Variants in PIK3C2G observed in about 807,000 individuals in gnomAD.
PIK3C2G encodes the protein phosphatidylinositol 3-kinase C2 domain-containing subunit gamma.
Under a neutral mutation model 181.1 loss-of-function variants are expected in PIK3C2G, and 168 were observed. The observed-to-expected ratio is 0.93, with a 90% confidence interval of 0.82 to 1.05. The LOEUF is 1.05. PIK3C2G is among the 50% of genes least tolerant of loss of function. The probability of loss-of-function intolerance (pLI) is 0.00; values close to 1 mark genes in which losing one functional copy is unlikely to be tolerated. For synonymous variants in PIK3C2G, 573 were observed against 592.2 expected (o/e 0.97, Z 0.47); for missense variants, 1,869 against 1,732.8 (o/e 1.08, Z -1.40).
intron 10 of PIK3C2G, among the ~76,000 whole-genome samples, 165 bp downstream of exon 10, chr12:18,343,525 G>T (rs1030382310): frequency 2.6e-5 from 4 of 151,272 alleles, no homozygotes; most frequent in Admixed American, 6.6e-5. Flanking sequence ...CTTTTCTAAA[G>T]TTCTTTTTAT....
chr12:18,534,696 A>C (rs1336366732), intron 24 of PIK3C2G, among the ~76,000 whole-genome samples: 3 of 3,758 alleles, frequency 8.0e-4, no homozygotes, highest in Non-Finnish European at 3.7e-3. Flanking sequence ...TGGATTAAAA[A>C]AAAAGAAAGG....
intron 12 of PIK3C2G, among the ~76,000 whole-genome samples, chr12:18,365,984 C>A (rs1240041893): frequency 6.6e-6 from 1 of 152,098 alleles, no homozygotes; most frequent in Non-Finnish European, 1.5e-5. Context: ...GTTCTCATCA[C>A]CTTCAATGGT....
chr12:18,707,072 C>T, the PIK3C2G span, among the ~76,000 whole-genome samples: 8 of 152,200 alleles, frequency 5.3e-5, no homozygotes, highest in Non-Finnish European at 1.0e-4. Flanking sequence ...TCAAATCTCT[C>T]TCTACTTCCT....
At chr12:18,650,748 A>ATC (rs1950472898), downstream of PIK3C2G, among the ~76,000 whole-genome samples, 1 of 78,536 alleles carries the variant, frequency 1.3e-5, no homozygotes, top group Non-Finnish European at 2.3e-5. Flanking sequence ...ATATATATAT[A>ATC]TATATATATA....
At chr12:18,460,771 C>T (rs540595782) in intron 18 of PIK3C2G, among the ~76,000 whole-genome samples, 1 of 151,722 alleles carries the variant, frequency 6.6e-6, no homozygotes, top group South Asian at 2.1e-4. Context: ...ATTTGATAGG[C>T]CCTGTTGAGA....
the PIK3C2G span, among the ~76,000 whole-genome samples, chr12:18,678,821 G>T: frequency 2.0e-5 from 3 of 151,990 alleles, no homozygotes; most frequent in Non-Finnish European, 4.4e-5. Context: ...AAGCCTTTGT[G>T]TGGACATGTG....
intron 18 of PIK3C2G, among the ~76,000 whole-genome samples, chr12:18,441,941 G>A (rs950716124): frequency 1.3e-5 from 2 of 151,952 alleles, no homozygotes; most frequent in Non-Finnish European, 2.9e-5. Flanking sequence ...GTCTATCTGT[G>A]TATTTTTCTT....
intron 1 of PIK3C2G, among the ~76,000 whole-genome samples, chr12:18,254,580 C>T (rs145594413): frequency 0.018 from 2,792 of 152,068 alleles, 85 homozygotes; most frequent in African/African-American, 0.064. Context: ...CGTGGTAGCT[C>T]ACACCTGTAA....
chr12:18,548,878 T>C (rs1944582121), intron 26 of PIK3C2G, among the ~76,000 whole-genome samples: 1 of 152,030 alleles, frequency 6.6e-6, no homozygotes. Flanking sequence ...ATTGTCTTTG[T>C]CAAGATTTAT....
At chr12:18,577,180 C>T (rs534831571) in intron 29 of PIK3C2G, among the ~76,000 whole-genome samples, 1 of 152,276 alleles carries the variant, frequency 6.6e-6, no homozygotes, top group East Asian at 1.9e-4. Context: ...TAGCAGAGGG[C>T]TGTCATGAGA....
chr12:18,259,104 C>T (rs1425847613), upstream of PIK3C2G, among the ~76,000 whole-genome samples: 1 of 152,006 alleles, frequency 6.6e-6, no homozygotes, highest in South Asian at 2.1e-4. Flanking sequence ...TCGGGTCACT[C>T]TATTAGGCAA....
intron 24 of PIK3C2G, among the ~76,000 whole-genome samples, chr12:18,531,762 A>G (rs1943567196): frequency 6.6e-6 from 1 of 152,164 alleles, no homozygotes; most frequent in African/African-American, 2.4e-5. Flanking sequence ...TGTACCATGT[A>G]TTGTTTAACC....
intron 15 of PIK3C2G, among the ~76,000 whole-genome samples, chr12:18,395,776 G>A (rs1280773755): frequency 6.6e-6 from 1 of 151,320 alleles, no homozygotes; most frequent in Non-Finnish European, 1.5e-5. Flanking sequence ...CATATTATAT[G>A]TAAGGATGCA....
In PIK3C2G at chr12:18,503,281, G is replaced by C; in HGVS notation, c.3017G>C (p.Gly1006Ala). Residue 1006 changes from glycine (G) to alanine (A), a missense_variant and splice_region_variant, in exon 23 of 33, where the codon GGA becomes GCA. Gly to Ala is a moderately conservative substitution (Grantham distance 60). Coordinates refer to ENST00000538779, the MANE Select transcript of PIK3C2G (RefSeq NM_001288772.2). ...CTGTAATCTTTTTTTTCTCTACCAGGATTGGTGCAGATGGTACCTGATGCT... is the reference window on the plus strand; with the variant it reads ...CTGTAATCTTTTTTTTCTCTACCAGCATTGGTGCAGATGGTACCTGATGCT... ...YRCLSTGKDQGLVQMVPDAVT... is the reference protein window; with the variant it reads ...YRCLSTGKDQALVQMVPDAVT... 6.3e-7 allele frequency: 1 copy of C among 1,594,294 alleles called. No individual in the cohort carries two copies. Among genetic ancestry groups the C allele is most frequent in the Non-Finnish European group, 8.5e-7 (1 of 1,172,266 alleles).
intron 16 of PIK3C2G, among the ~76,000 whole-genome samples, chr12:18,406,533 G>A (rs1409798900): frequency 6.6e-6 from 1 of 152,150 alleles, no homozygotes; most frequent in African/African-American, 2.4e-5. Context: ...GCTAAAGTTG[G>A]AAGTGGTCAG....
At chr12:18,460,640 A>G (rs1947870518) in intron 18 of PIK3C2G, among the ~76,000 whole-genome samples, 1 of 148,756 alleles carries the variant, frequency 6.7e-6, no homozygotes, top group African/African-American at 2.5e-5. Flanking sequence ...ATATATATAT[A>G]TATATATAGC....
chr12:18,392,573 T>G (rs1030074197), intron 15 of PIK3C2G, among the ~76,000 whole-genome samples: 1 of 151,894 alleles, frequency 6.6e-6, no homozygotes, highest in Non-Finnish European at 1.5e-5. Context: ...CTTTAGGCTT[T>G]CACTTAAATG....
intron 29 of PIK3C2G, among the ~76,000 whole-genome samples, chr12:18,583,016 G>A (rs768244682): frequency 6.6e-6 from 1 of 152,038 alleles, no homozygotes; most frequent in African/African-American, 2.4e-5. Context: ...TAGAGAGTCC[G>A]GGGTGACTTT....
intron 30 of PIK3C2G, among the ~76,000 whole-genome samples, chr12:18,607,395 G>T (rs191615129): frequency 4.6e-5 from 7 of 151,916 alleles, no homozygotes; most frequent in East Asian, 1.9e-4. Flanking sequence ...AAATAATGCC[G>T]CTTATCTACA....
Sources: gnomAD v4.1 joint callset for allele counts (sites outside exome capture counted in the v4.1 genomes callset) on GRCh38, gnomAD v4.1.1 for gene constraint, MANE v1.5 for transcripts, NCBI Gene and HGNC (gene_info 2026-07-23, HGNC 2026-07-21) for gene names.